The following ARHGAP28 variants were observed in gnomAD, a reference collection of about 807,000 sequenced individuals.
The protein encoded by ARHGAP28 is Rho GTPase activating protein 28.
A neutral mutation model predicts 90.7 loss-of-function variants in ARHGAP28; 56 were observed. The ratio of observed to expected loss-of-function variants is 0.62; its 90% confidence interval spans 0.50 to 0.77. The LOEUF is 0.77. Ranked by LOEUF, ARHGAP28 falls within the 30% of genes least tolerant of loss-of-function variation. The pLI is 0.00. For synonymous variants in ARHGAP28, 308 were observed against 323.3 expected, an observed-to-expected ratio of 0.95 and a Z score of 0.51; for missense variants, 869 against 900.9, an observed-to-expected ratio of 0.96 and a Z score of 0.45.
chr18:6,746,458 T>C (rs2056024195), intron 1 of ARHGAP28, among the ~76,000 whole-genome samples: 1 of 152,244 alleles, frequency 6.6e-6, no homozygotes, highest in Non-Finnish European at 1.5e-5. Flanking sequence ...GGATTTGGCC[T>C]GTGGGCCATA....
chr18:6,856,792 G>T (rs976720828), intron 4 of ARHGAP28, among the ~76,000 whole-genome samples: 1 of 152,132 alleles, frequency 6.6e-6, no homozygotes, highest in African/African-American at 2.4e-5. Flanking sequence ...CCCCATCCTG[G>T]AGAAGCAAGC....
chr18:6,748,697 A>G (rs1048565727), intron 1 of ARHGAP28, among the ~76,000 whole-genome samples: 2 of 152,248 alleles, frequency 1.3e-5, no homozygotes, highest in Middle Eastern at 3.2e-3. Flanking sequence ...ACTGTCTTCT[A>G]GTCATTTCTC....
At chr18:6,762,093 C>G (rs1567938978) in intron 1 of ARHGAP28, among the ~76,000 whole-genome samples, 1 of 152,150 alleles carries the variant, frequency 6.6e-6, no homozygotes, top group Non-Finnish European at 1.5e-5. Flanking sequence ...TACCAATCAC[C>G]CCATTGATTA....
intron 16 of ARHGAP28, among the ~76,000 whole-genome samples, chr18:6,902,199 T>C (rs930685939): frequency 1.3e-5 from 2 of 152,134 alleles, no homozygotes; most frequent in African/African-American, 4.8e-5. Flanking sequence ...GAACAGAAAA[T>C]GAACATTAGG....
At chr18:6,845,153 G>A (rs759601376) in intron 3 of ARHGAP28, among the ~76,000 whole-genome samples, 3 of 152,130 alleles carry the variant, frequency 2.0e-5, no homozygotes, top group Admixed American at 6.5e-5. Flanking sequence ...GTCGTAGCTC[G>A]CTGTAACCTG....
At chr18:6,757,705 T>C (rs932131442) in intron 1 of ARHGAP28, among the ~76,000 whole-genome samples, 1 of 152,194 alleles carries the variant, frequency 6.6e-6, no homozygotes, top group South Asian at 2.1e-4. Context: ...GCAAAGTTAA[T>C]GGGACGTGTG....
intron 10 of ARHGAP28, 131 bp from the exon 11 acceptor site, chr18:6,882,006 A>G (rs1161623592): frequency 4.0e-6 from 3 of 750,792 alleles, no homozygotes; most frequent in Non-Finnish European, 6.0e-6. Flanking sequence ...TTGAAAAAAA[A>G]TTACTCTTGG....
chr18:6,814,460 A>G (rs966834379), intron 1 of ARHGAP28, among the ~76,000 whole-genome samples: 1 of 152,224 alleles, frequency 6.6e-6, no homozygotes, highest in Non-Finnish European at 1.5e-5. Flanking sequence ...ATACGAGGAT[A>G]CAATCAAGCA....
chr18:6,826,894 C>G (rs991630954), intron 2 of ARHGAP28, among the ~76,000 whole-genome samples: 2 of 151,988 alleles, frequency 1.3e-5, no homozygotes, highest in Non-Finnish European at 1.5e-5. Flanking sequence ...TGACTCTCAA[C>G]GAGCACTCTG....
chr18:6,730,054 T>C (rs948301525), intron 1 of ARHGAP28, 111 bp downstream of exon 1: 45 of 1,147,814 alleles, frequency 3.9e-5, no homozygotes, highest in Non-Finnish European at 4.9e-5. Context: ...GGATGTTGTT[T>C]CAAGTTTTGG....
intron 1 of ARHGAP28, among the ~76,000 whole-genome samples, chr18:6,755,033 A>G (rs559989281): frequency 6.6e-6 from 1 of 152,052 alleles, no homozygotes; most frequent in South Asian, 2.1e-4. Flanking sequence ...AGCTACTGTA[A>G]TCCCAGCTAC....
rs78612751 is a variant in ARHGAP28, at chr18:6,882,376, C to T, written c.1453+77C>T. The T allele has an allele frequency of 7.2e-4, 1,001 of 1,399,558 alleles. 6 individuals are homozygous for T. The African/African-American group carries it at 0.012, about 17-fold the overall frequency. The allele number at this position is 1,399,558 out of a possible 1,614,324, so 86.7% of individuals were successfully genotyped here. ...TGAGAGCAGAAGAGAGATGCTGAAT[C>T]AAATGTGCTCATGTATAGATTTGCT... On this transcript the variant is annotated intron_variant, in intron 11 of 17. Transcript: ENST00000383472.
At chr18:6,860,971 T>C (rs576336540) in intron 5 of ARHGAP28, among the ~76,000 whole-genome samples, 1 of 152,340 alleles carries the variant, frequency 6.6e-6, no homozygotes, top group East Asian at 1.9e-4. Context: ...GGCATTGGGA[T>C]GCAAATGAGT....
chr18:6,844,852 C>T (rs1015598680), intron 3 of ARHGAP28, among the ~76,000 whole-genome samples: 4 of 152,262 alleles, frequency 2.6e-5, no homozygotes, highest in Admixed American at 2.0e-4. Context: ...CTCTTAAACT[C>T]AGGAATAAAT....
At chr18:6,905,368 T>C (rs554317440) in intron 16 of ARHGAP28, among the ~76,000 whole-genome samples, 3 of 152,178 alleles carry the variant, frequency 2.0e-5, no homozygotes, top group South Asian at 4.1e-4. Context: ...CACCGAGTCA[T>C]GATAAAAACT....
intron 3 of ARHGAP28, among the ~76,000 whole-genome samples, chr18:6,838,622 T>A (rs914148719): frequency 3.9e-5 from 6 of 152,344 alleles, no homozygotes; most frequent in African/African-American, 1.2e-4. Context: ...GTGTGAGAAG[T>A]TGAATTTTTA....
chr18:6,810,692 A>G (rs1316731342), intron 1 of ARHGAP28, among the ~76,000 whole-genome samples: 1 of 152,124 alleles, frequency 6.6e-6, no homozygotes, highest in Non-Finnish European at 1.5e-5. Flanking sequence ...CTAAACTCTA[A>G]GGTAGGAAAA....
rs766437758 is a variant in ARHGAP28, at chr18:6,912,189, T to C, written c.*35T>C. The C allele has an allele frequency of 2.4e-6, 3 of 1,271,436 alleles. No individual in the cohort carries two copies. The highest frequency in any genetic ancestry group is 2.3e-5 in the East Asian group (1 of 42,616). 78.8% of individuals were successfully genotyped at this position (1,271,436 alleles called of 1,614,324 possible). A position where few individuals can be genotyped will look rare whatever the true frequency, so the allele number is the denominator to read the frequency against. On this transcript the variant is annotated 3_prime_UTR_variant, in exon 18 of 18. Transcript: ENST00000383472. ...GAGAGAGCTGCTATCATGTATTATA[T>C]GCCAAAAAGATCCTACATTTTGGTA...
chr18:6,782,650 A>G (rs2056334751), intron 1 of ARHGAP28, among the ~76,000 whole-genome samples: 2 of 112,234 alleles, frequency 1.8e-5, no homozygotes, highest in South Asian at 2.9e-4. Flanking sequence ...GGGTTTCACC[A>G]TGTTGACCAG....
Sources: gnomAD v4.1 joint callset for allele counts (sites outside exome capture counted in the v4.1 genomes callset) on GRCh38, gnomAD v4.1.1 for gene constraint, MANE v1.5 for transcripts, NCBI Gene and HGNC (gene_info 2026-07-23, HGNC 2026-07-21) for gene names.